TRPM5: variants seen among roughly 807,000 people sequenced by gnomAD.
TRPM5 encodes the protein MLSN1 and TRP-related.
In TRPM5, 121 loss-of-function variants were observed where a neutral mutation model predicts 124.9. That is an observed-to-expected ratio of 0.97 (90% CI 0.84 to 1.13). The LOEUF is 1.13. Among genes scored for constraint, TRPM5 ranks in the 50% most tolerant of loss-of-function variants. The pLI, the probability that TRPM5 is intolerant of heterozygous loss-of-function variation, is 0.00. For synonymous variants in TRPM5, 781 were observed against 700.5 expected (o/e 1.11, Z -1.81); for missense variants, 1,643 against 1,589.1 (o/e 1.03, Z -0.58).
Position 2,407,163 on chromosome 11 carries a change from C to T in TRPM5, c.3074G>A (p.Arg1025His), listed in dbSNP as rs375137457. The change falls in exon 20 of 24, where the codon CGC becomes CAC. Residue 1025 changes from arginine to histidine, a missense_variant. Arg to His is a conservative substitution (Grantham distance 29). Coordinates refer to ENST00000155858, the Ensembl canonical transcript of TRPM5. ...CTCAGCCTCCTTCTTGAAGACCCGGCGGAGCGTCAGGCTCAGGTGGCTGAG... is the reference window on the plus strand; with the variant it reads ...CTCAGCCTCCTTCTTGAAGACCCGGTGGAGCGTCAGGCTCAGGTGGCTGAG... 2.8e-5 allele frequency: 45 copies of T among 1,610,138 alleles called. No individual in the cohort carries two copies. Among genetic ancestry groups the T allele is most frequent in the East Asian group, 2.7e-4 (12 of 44,752 alleles).
At chr11:2,427,107 C>T (rs1381764650), upstream of TRPM5, among the ~76,000 whole-genome samples, 1 of 152,188 alleles carries the variant, frequency 6.6e-6, no homozygotes, top group Non-Finnish European at 1.5e-5. Context: ...TGCCCCACCT[C>T]ACCCCAGTGG....
intron 11 of TRPM5, 85 bp downstream of exon 16, chr11:2,414,630 C>T (rs1398895125): frequency 7.0e-7 from 1 of 1,437,404 alleles, no homozygotes; most frequent in Non-Finnish European, 9.1e-7. Flanking sequence ...ACAGGCAGCC[C>T]TGGCGAGGCC....
the TRPM5 span, among the ~76,000 whole-genome samples, chr11:2,440,608 A>T: frequency 1.3e-5 from 2 of 151,582 alleles, no homozygotes; most frequent in Non-Finnish European, 2.9e-5. This position sits in a 1 kb window ranked among gnomAD's most constrained non-coding sequence, Gnocchi z 5.2. Context: ...ACCCTTGCTG[A>T]CCACCCTCCA....
the TRPM5 span, among the ~76,000 whole-genome samples, chr11:2,433,184 G>A: frequency 7.9e-5 from 12 of 152,260 alleles, no homozygotes; most frequent in Non-Finnish European, 1.5e-4. Flanking sequence ...GGTAGAGGCC[G>A]TAGGGGCCAG....
chr11:2,444,077 G>C, the TRPM5 span, among the ~76,000 whole-genome samples: 1 of 151,770 alleles, frequency 6.6e-6, no homozygotes, highest in Non-Finnish European at 1.5e-5. Context: ...GTCAAACCAG[G>C]TCCAGACCCC....
At position 2,421,136 on chromosome 11, in the gene TRPM5, G is replaced by A. The variant is rs750980778; in HGVS notation, c.361C>T (p.Arg121Cys). The change falls in exon 3 of 24, where the codon CGC (arginine) becomes TGC (cysteine). Residue 121 changes from arginine to cysteine, a missense_variant. Coordinates refer to ENST00000155858, the Ensembl canonical transcript of TRPM5. ...GACGTGCTGGCCAGCGAGTGGTCGC[G>A]CACGGCCTGCCCGACATGCCTGGCC... 2.2e-4 allele frequency: 338 copies of A among 1,542,330 alleles called. 2 individuals are homozygous for A. Among genetic ancestry groups the A allele is most frequent in the South Asian group, 3.6e-5 (3 of 83,908 alleles).
chr11:2,418,492 T>G (rs1417414143), intron 5 of TRPM5, 35 bp downstream of exon 10: 1 of 1,595,714 alleles, frequency 6.3e-7, no homozygotes, highest in Non-Finnish European at 8.5e-7. Flanking sequence ...TCCACAAGGC[T>G]TCGGCCAGCC....
At chr11:2,440,540 A>G in the TRPM5 span, among the ~76,000 whole-genome samples, 3 of 151,454 alleles carry the variant, frequency 2.0e-5, no homozygotes, top group Admixed American at 6.6e-5. This position sits in a 1 kb window ranked among gnomAD's most constrained non-coding sequence, Gnocchi z 5.2. Context: ...CCAACAGCAA[A>G]TGCCTCCCAG....
intron 7 of TRPM5, among the ~76,000 whole-genome samples, chr11:2,416,847 G>C (rs1845694457): frequency 6.6e-6 from 1 of 152,184 alleles, no homozygotes; most frequent in Non-Finnish European, 1.5e-5. Flanking sequence ...TTTTCCATCA[G>C]CGGGTGAACA....
At chr11:2,437,412 T>C in the TRPM5 span, among the ~76,000 whole-genome samples, 1 of 151,900 alleles carries the variant, frequency 6.6e-6, no homozygotes, top group Admixed American at 6.5e-5. The surrounding 1 kb of genome is among the most constrained non-coding windows in gnomAD (Gnocchi z 5.6). Context: ...GGGTGGGGGG[T>C]GCCTTTCTCT....
upstream of TRPM5, among the ~76,000 whole-genome samples, chr11:2,427,664 C>T (rs920854852): frequency 2.6e-5 from 4 of 152,266 alleles, no homozygotes; most frequent in South Asian, 4.1e-4. Flanking sequence ...CCTGTGTGGA[C>T]GTGGCTTCTA....
chr11:2,425,234 T>C (rs1454763255), upstream of TRPM5, among the ~76,000 whole-genome samples: 2 of 152,096 alleles, frequency 1.3e-5, no homozygotes, highest in Admixed American at 6.5e-5. Context: ...GATGATCTCA[T>C]AGTTCTAGAG....
In TRPM5 at chr11:2,414,843, G is replaced by A. The variant is rs372025979; in HGVS notation, c.1621-5C>T. On this transcript the variant is annotated splice_polypyrimidine_tract_variant and splice_region_variant and intron_variant, in intron 10 of 23. Transcript: ENST00000155858. The stretch of plus-strand genomic sequence containing the variant: ...GGCTGCCACACCTTCCTGGCCCTAC[G>A]AGACCTGGTCTCAGGAGGCCGCCCC... 26 of 1,591,772 alleles carry A rather than the reference G, an allele frequency of 1.6e-5. No individual in the cohort carries two copies. The highest frequency in any genetic ancestry group is 4.5e-5 in the South Asian group (4 of 88,222).
At chr11:2,414,009 G>GGGGGGGCCCCCCCCCCCCCCCCCC in intron 12 of TRPM5, 52 bp downstream of exon 17, 73 of 1,023,558 alleles carry the variant, frequency 7.1e-5, no homozygotes, top group East Asian at 2.0e-4. Flanking sequence ...GGCCCAGCTC[G>GGGGGGGCCCCCCCCCCCCCCCCCC]CCCGCCCACC....
intron 11 of TRPM5, 82 bp downstream of exon 16, chr11:2,414,633 G>A (rs1240539140): frequency 1.7e-5 from 25 of 1,439,560 alleles, no homozygotes; most frequent in Non-Finnish European, 2.2e-5. Flanking sequence ...GGCAGCCCTG[G>A]CGAGGCCCAG....
Position 2,406,259 on chromosome 11 carries a change from C to T in TRPM5, c.3252-168G>A. 3 of 722,516 alleles carry T rather than the reference C, an allele frequency of 4.2e-6. No individual in the cohort carries two copies. In the South Asian group the frequency reaches 5.0e-5, roughly 12 times the overall value. The allele number at this position is 722,516 out of a possible 1,614,324, so 44.8% of individuals were successfully genotyped here. A position where few individuals can be genotyped will look rare whatever the true frequency, so the allele number is the denominator to read the frequency against. ...GGTGGCACCAGGACCCCTCAAAGTG[C>T]ACCTGGTGCAGTACAGAGCGCTCTA... On this transcript the variant is annotated intron_variant, in intron 21 of 23. Transcript: ENST00000155858.
chr11:2,414,011 C>CCCCCCCCCCCCCCCCCCCCCCCCCCCCCA, intron 12 of TRPM5, 50 bp downstream of exon 17: 1 of 482,248 alleles, frequency 2.1e-6, no homozygotes, highest in Non-Finnish European at 4.1e-6. Context: ...CCCAGCTCGC[C>CCCCCCCCCCCCCCCCCCCCCCCCCCCCCA]CGCCCACCCC....
chr11:2,439,847 A>G, the TRPM5 span, among the ~76,000 whole-genome samples: 1 of 152,214 alleles, frequency 6.6e-6, no homozygotes, highest in African/African-American at 2.4e-5. Context: ...TACAAAAGAA[A>G]AATCATTCTA....
chr11:2,413,166 C>T lies in TRPM5; in HGVS notation c.2064G>A (p.Thr688=), dbSNP rs142081911. 122 of 1,553,036 alleles carry T rather than the reference C, an allele frequency of 7.9e-5. No homozygotes were observed. The African/African-American group carries it at 1.2e-3, about 15-fold the overall frequency. ...GCAGGCCATACAGCGGGCTCTTCTC[C>T]GTGTCCAGGCTGTCCAGGTCCTGCA... The change falls in exon 14 of 24, where the codon ACG becomes ACA. Residue 688 remains threonine (T), a synonymous_variant. Transcript: ENST00000155858.
Sources: gnomAD v4.1 joint callset for allele counts (sites outside exome capture counted in the v4.1 genomes callset) on GRCh38, gnomAD v4.1.1 for gene constraint, Gnocchi (gnomAD v3.1) non-coding constraint, MANE v1.5 for transcripts, NCBI Gene and HGNC (gene_info 2026-07-23, HGNC 2026-07-21) for gene names.